Variants in TMEM135 observed in about 807,000 individuals in gnomAD.
TMEM135 encodes transmembrane protein 135.
TMEM135 carries 30 observed loss-of-function variants against 60.3 expected under a neutral mutation model. The ratio of observed to expected loss-of-function variants is 0.50; its 90% CI spans 0.37 to 0.68. TMEM135 has a LOEUF of 0.68. TMEM135 is among the 30% of genes least tolerant of loss of function. TMEM135 has a pLI of 0.00. For synonymous variants in TMEM135, 190 were observed against 186.7 expected (o/e 1.02, Z -0.14); for missense variants, 468 against 548.8 (o/e 0.85, Z 1.47).
At chr11:87,223,161 CTTTTTTTTT>C (rs34711550) in intron 5 of TMEM135, among the ~76,000 whole-genome samples, 1 of 133,782 alleles carries the variant, frequency 7.5e-6, no homozygotes, top group Admixed American at 7.7e-5. Flanking sequence ...TTGAAAAGCA[CTTTTTTTTT>C]TTTTTTTTTT....
chr11:87,134,604 C>G (rs145983539), intron 4 of TMEM135, among the ~76,000 whole-genome samples: 86 of 152,302 alleles, frequency 5.6e-4, no homozygotes, highest in Non-Finnish European at 1.1e-3. Context: ...ACCTCAGACT[C>G]CTGAGTAGCT....
At chr11:87,066,286 G>A (rs898856666) in intron 1 of TMEM135, among the ~76,000 whole-genome samples, 3 of 151,928 alleles carry the variant, frequency 2.0e-5, no homozygotes, top group Non-Finnish European at 4.4e-5. Context: ...TCTTTTCTAC[G>A]ACTAGTGAGG....
chr11:87,249,248 A>T (rs924146132), intron 6 of TMEM135, among the ~76,000 whole-genome samples: 14 of 152,130 alleles, frequency 9.2e-5, no homozygotes, highest in African/African-American at 3.4e-4. Context: ...GACTGCTATT[A>T]TGTGGAAGTA....
chr11:87,173,322 G>A lies in TMEM135; in HGVS notation c.462+15916G>A, dbSNP rs747999802. ...AGCGTCCTAAAGGCAAATGTGATGC[G>A]TGGCACTGGAATCAGATCTAGTGTT... On this transcript the variant is annotated intron_variant, in intron 5 of 14. Transcript: ENST00000305494. 4.6e-5 allele frequency among the ~76,000 whole-genome samples: 7 copies of A among 152,132 alleles called. No homozygotes were observed. In the South Asian group the frequency reaches 6.2e-4, roughly 14 times the overall value.
chr11:87,323,427 G>A lies in TMEM135; in HGVS notation c.*2094G>A. 1 of 453,916 alleles carries A rather than the reference G, an allele frequency of 2.2e-6. No individual in the cohort carries two copies. Among genetic ancestry groups the A allele is most frequent in the Non-Finnish European group, 4.4e-6 (1 of 226,706 alleles). 28.1% of individuals were successfully genotyped at this position (453,916 alleles called of 1,614,324 possible). On this transcript the variant is annotated 3_prime_UTR_variant, in exon 15 of 15. Coordinates refer to ENST00000305494, the MANE Select transcript of TMEM135 (RefSeq NM_022918.4). The stretch of plus-strand genomic sequence containing the variant: ...AAACACAAAGAAACTTTGTGTTTTT[G>A]AAGACAATCAGAATGATTACCTTTC...
In TMEM135 at chr11:87,152,338, TC is replaced by T. The variant is rs527928313; in HGVS notation, c.397-5002del. On this transcript the variant is annotated intron_variant, in intron 4 of 14. Transcript: ENST00000305494. Reference sequence around the variant, plus strand: ...AGGGAGTAACGTTAAGTCTATATGTTCACTGTAGTATATTTAATGTAATGGC... The same window carrying T: ...AGGGAGTAACGTTAAGTCTATATGTTACTGTAGTATATTTAATGTAATGGC... Among the ~76,000 whole-genome samples the T allele has an allele frequency of 1.4e-4, 22 of 152,342 alleles. 1 individual carries two copies. The highest frequency in any genetic ancestry group is 4.3e-4 in the African/African-American group (18 of 41,576).
At chr11:87,230,545 C>G (rs944172514) in intron 5 of TMEM135, among the ~76,000 whole-genome samples, 1 of 151,994 alleles carries the variant, frequency 6.6e-6, no homozygotes, top group African/African-American at 2.4e-5. Flanking sequence ...TATATTGTTT[C>G]TACAAGTGAA....
chr11:87,222,721 G>A (rs1310392070), intron 5 of TMEM135, among the ~76,000 whole-genome samples: 1 of 151,800 alleles, frequency 6.6e-6, no homozygotes, highest in Admixed American at 6.6e-5. Flanking sequence ...GGAGAATGGC[G>A]TGAACCCAGG....
chr11:87,144,722 G>GTGTGTA (rs2135250123), intron 4 of TMEM135, among the ~76,000 whole-genome samples: 1 of 150,454 alleles, frequency 6.6e-6, no homozygotes, highest in Admixed American at 6.6e-5. Flanking sequence ...GTGTGTGTGT[G>GTGTGTA]TGTGTGTGTG....
At chr11:87,297,490 T>G (rs950972133) in intron 7 of TMEM135, among the ~76,000 whole-genome samples, 3 of 152,238 alleles carry the variant, frequency 2.0e-5, no homozygotes, top group Non-Finnish European at 4.4e-5. Flanking sequence ...TTGCATTGGC[T>G]AGAAAGCATT....
chr11:87,295,704 T>G, intron 6 of TMEM135, 78 bp from the exon 7 acceptor site: 1 of 1,272,824 alleles, frequency 7.9e-7, no homozygotes, highest in Non-Finnish European at 1.1e-6. Flanking sequence ...TTTAAAACAT[T>G]ATTTTCAGAA....
intron 1 of TMEM135, among the ~76,000 whole-genome samples, chr11:87,062,557 C>G (rs895110675): frequency 3.3e-5 from 5 of 149,500 alleles, no homozygotes; most frequent in African/African-American, 7.4e-5. Flanking sequence ...TCCACCTCCT[C>G]GAGTTCAAGC....
At chr11:87,270,968 T>G (rs1941851694) in intron 6 of TMEM135, among the ~76,000 whole-genome samples, 1 of 152,178 alleles carries the variant, frequency 6.6e-6, no homozygotes, top group South Asian at 2.1e-4. Context: ...CAAGCTTTTT[T>G]TTTTAGAAAC....
At chr11:87,259,647 C>T (rs902422143) in intron 6 of TMEM135, among the ~76,000 whole-genome samples, 1 of 152,154 alleles carries the variant, frequency 6.6e-6, no homozygotes. Context: ...AGTACACCAT[C>T]GATATACAAG....
At chr11:87,303,582 G>T (rs1942484435) in intron 8 of TMEM135, among the ~76,000 whole-genome samples, 1 of 152,140 alleles carries the variant, frequency 6.6e-6, no homozygotes, top group African/African-American at 2.4e-5. Flanking sequence ...ATTAAGAATT[G>T]CTGTGAGCAT....
At chr11:87,066,302 A>G (rs1055510572) in intron 1 of TMEM135, among the ~76,000 whole-genome samples, 2 of 152,086 alleles carry the variant, frequency 1.3e-5, no homozygotes, top group African/African-American at 4.8e-5. Flanking sequence ...TGAGGAGTCT[A>G]TTATTCTTCC....
chr11:87,082,059 T>A (rs1462427666), intron 3 of TMEM135, among the ~76,000 whole-genome samples: 1 of 152,236 alleles, frequency 6.6e-6, no homozygotes, highest in African/African-American at 2.4e-5. Context: ...TGTCTATGCA[T>A]ACAATCACAA....
At chr11:87,209,451 A>G (rs532267427) in intron 5 of TMEM135, among the ~76,000 whole-genome samples, 2 of 152,342 alleles carry the variant, frequency 1.3e-5, no homozygotes, top group Non-Finnish European at 2.9e-5. Context: ...AAGGACAAAG[A>G]AGGGCATTGC....
chr11:87,261,233 T>C (rs1316686890), intron 6 of TMEM135, among the ~76,000 whole-genome samples: 13 of 152,192 alleles, frequency 8.5e-5, no homozygotes. Context: ...CCCTCCCTCT[T>C]CCTTTCTTCT....
Sources: allele counts gnomAD v4.1 joint callset (sites outside exome capture counted in the v4.1 genomes callset), GRCh38; gene constraint gnomAD v4.1.1; transcripts MANE v1.5; gene names NCBI Gene and HGNC (gene_info 2026-07-23, HGNC 2026-07-21).